HECW2: variants seen among roughly 807,000 people sequenced by gnomAD.
HECW2 encodes the protein HECT, C2 and WW domain containing E3 ubiquitin protein ligase 2.
In HECW2, 61 loss-of-function variants were observed where a neutral mutation model predicts 175.2. The ratio of observed to expected loss-of-function variants is 0.35; its 90% CI spans 0.28 to 0.43. HECW2 has a LOEUF of 0.43. Among genes scored for constraint, HECW2 ranks in the 20% least tolerant of loss-of-function variants. HECW2 has a pLI of 1.00. For missense variants in HECW2, 1,524 were observed against 2,000.5 expected, an observed-to-expected ratio of 0.76 and a Z score of 4.54; for synonymous variants, 671 against 731.0, an observed-to-expected ratio of 0.92 and a Z score of 1.32.
intron 2 of HECW2, among the ~76,000 whole-genome samples, chr2:196,363,610 C>T (rs146503832): frequency 1.2e-4 from 19 of 152,274 alleles, no homozygotes; most frequent in African/African-American, 2.6e-4. Flanking sequence ...GTAGGAGGGT[C>T]GCATGAGGCC....
chr2:196,251,571 T>G (rs2105908679), intron 19 of HECW2, among the ~76,000 whole-genome samples: 1 of 152,290 alleles, frequency 6.6e-6, no homozygotes, highest in East Asian at 1.9e-4. Context: ...AGTCTAACCA[T>G]TTCCCATTCT....
intron 1 of HECW2, among the ~76,000 whole-genome samples, chr2:196,464,957 G>A (rs978836255): frequency 1.3e-5 from 2 of 152,198 alleles, no homozygotes; most frequent in Middle Eastern, 3.4e-3. Context: ...TAGGAGAATC[G>A]CTTGAACCCA....
chr2:196,278,481 G>C (rs747780333), intron 15 of HECW2, 47 bp downstream of exon 15: 1 of 1,568,794 alleles, frequency 6.4e-7, no homozygotes, highest in East Asian at 2.3e-5. Context: ...TCACATACTA[G>C]AAGCTTCTAT....
At chr2:196,259,574 T>A (rs893880924) in intron 17 of HECW2, among the ~76,000 whole-genome samples, 3 of 151,796 alleles carry the variant, frequency 2.0e-5, no homozygotes, top group African/African-American at 7.3e-5. Context: ...ATTTTTTTTT[T>A]AAAGACTATT....
At chr2:196,445,242 C>T (rs1696149594) in intron 1 of HECW2, among the ~76,000 whole-genome samples, 1 of 152,102 alleles carries the variant, frequency 6.6e-6, no homozygotes, top group Non-Finnish European at 1.5e-5. Context: ...CAAATGCTAC[C>T]AGTGAGAAAA....
intron 28 of HECW2, among the ~76,000 whole-genome samples, chr2:196,205,838 C>T (rs62184563): frequency 2.8e-3 from 424 of 152,200 alleles, no homozygotes; most frequent in Non-Finnish European, 5.3e-3. Context: ...CAACATGATA[C>T]CTACATTGGC....
intron 23 of HECW2, among the ~76,000 whole-genome samples, chr2:196,225,464 C>T (rs1687818108): frequency 6.6e-6 from 1 of 152,158 alleles, no homozygotes; most frequent in Non-Finnish European, 1.5e-5. Context: ...ATTAATACCA[C>T]AGGAATCCCA....
At chr2:196,308,808 T>C (rs1234960179) in intron 10 of HECW2, among the ~76,000 whole-genome samples, 1 of 152,192 alleles carries the variant, frequency 6.6e-6, no homozygotes, top group East Asian at 1.9e-4. Context: ...CACCCCACCT[T>C]TGTGACTCTC....
At chr2:196,242,377 T>G (rs947250290) in intron 19 of HECW2, 173 bp from the exon 20 acceptor site, 1 of 701,720 alleles carries the variant, frequency 1.4e-6, no homozygotes, top group Non-Finnish European at 2.3e-6. Flanking sequence ...AACCAAGGTC[T>G]TAAGTGACGT....
chr2:196,451,521 G>A (rs1446583801), intron 1 of HECW2, among the ~76,000 whole-genome samples: 2 of 151,960 alleles, frequency 1.3e-5, no homozygotes, highest in Non-Finnish European at 2.9e-5. Flanking sequence ...CTAGAAACAG[G>A]CCATTAATTT....
chr2:196,307,496 C>T (rs777634513), intron 11 of HECW2, among the ~76,000 whole-genome samples: 3 of 151,814 alleles, frequency 2.0e-5, no homozygotes, highest in Middle Eastern at 6.8e-3. Context: ...AAGTAAATTC[C>T]TATATTGTTA....
intron 1 of HECW2, among the ~76,000 whole-genome samples, chr2:196,454,321 TTTG>T (rs1156570196): frequency 1.3e-5 from 2 of 152,250 alleles, no homozygotes; most frequent in Non-Finnish European, 2.9e-5. Flanking sequence ...TGTAGCTTGC[TTTG>T]TTTTCACACA....
chr2:196,575,483 C>T (rs1690530014), intron 1 of HECW2, among the ~76,000 whole-genome samples: 1 of 152,022 alleles, frequency 6.6e-6, no homozygotes, highest in African/African-American at 2.4e-5. Context: ...CAGCATTATT[C>T]ATAATATCCA....
chr2:196,303,550 G>T (rs1261860096), intron 13 of HECW2, among the ~76,000 whole-genome samples: 1 of 152,012 alleles, frequency 6.6e-6, no homozygotes, highest in Non-Finnish European at 1.5e-5. Context: ...GCTTTTTTTG[G>T]TTGGTAGACC....
intron 26 of HECW2, chr2:196,217,571 A>T (rs368871983): frequency 6.5e-6 from 1 of 152,704 alleles, no homozygotes; most frequent in East Asian, 1.9e-4. Context: ...ACAAACAAAT[A>T]CATAACTGCA....
At chr2:196,302,576 T>C (rs1296827956) in intron 13 of HECW2, among the ~76,000 whole-genome samples, 2 of 152,236 alleles carry the variant, frequency 1.3e-5, no homozygotes, top group African/African-American at 4.8e-5. Context: ...TTTGTTTGTG[T>C]CTTCTCTGAT....
intron 21 of HECW2, among the ~76,000 whole-genome samples, chr2:196,235,557 T>A (rs113094349): frequency 8.5e-4 from 130 of 152,068 alleles, no homozygotes; most frequent in Middle Eastern, 3.4e-3. Flanking sequence ...AATTTATATA[T>A]CATGTTTCAG....
chr2:196,487,783 A>AT (rs1687058599), intron 1 of HECW2, among the ~76,000 whole-genome samples: 1 of 152,232 alleles, frequency 6.6e-6, no homozygotes, highest in African/African-American at 2.4e-5. Flanking sequence ...AAATTTCCAC[A>AT]TAAAAACAGC....
intron 2 of HECW2, among the ~76,000 whole-genome samples, chr2:196,370,131 A>T (rs573136479): frequency 6.6e-6 from 1 of 152,000 alleles, no homozygotes; most frequent in Non-Finnish European, 1.5e-5. Context: ...CTGCTGGGTC[A>T]TACCTGAAGC....
Sources: allele counts gnomAD v4.1 joint callset (sites outside exome capture counted in the v4.1 genomes callset), GRCh38; gene constraint gnomAD v4.1.1; transcripts MANE v1.5; gene names NCBI Gene and HGNC (gene_info 2026-07-23, HGNC 2026-07-21).